The following NSF variants were observed in gnomAD, a reference collection of about 807,000 sequenced individuals.
NSF encodes N-ethylmaleimide sensitive factor, vesicle fusing ATPase.
Under a neutral mutation model 50.3 loss-of-function variants are expected in NSF, and 14 were observed. The observed-to-expected ratio is 0.28, with a 90% CI of 0.18 to 0.44. The LOEUF (loss-of-function observed/expected upper bound fraction) is 0.44. Among genes scored for constraint, NSF ranks in the 20% least tolerant of loss-of-function variants. NSF has a pLI of 1.00. For synonymous variants in NSF, 109 were observed against 175.7 expected (o/e 0.62, Z 3.00); for missense variants, 218 against 504.3 (o/e 0.43, Z 5.44).
At chr17:46,742,908 T>A (rs946900754) in intron 17 of NSF, among the ~76,000 whole-genome samples, 5 of 151,926 alleles carry the variant, frequency 3.3e-5, no homozygotes, top group Non-Finnish European at 7.4e-5. Context: ...ATATGAAAAA[T>A]TATTCCTATT....
chr17:46,723,262 C>T (rs1321650738), intron 15 of NSF, among the ~76,000 whole-genome samples: 1 of 152,236 alleles, frequency 6.6e-6, no homozygotes, highest in Non-Finnish European at 1.5e-5. Flanking sequence ...CATGATCTCA[C>T]AGCCTGATGG....
At chr17:46,710,789 A>G (rs926091731) in intron 13 of NSF, among the ~76,000 whole-genome samples, 174 bp from the exon 14 acceptor site, 1 of 151,556 alleles carries the variant, frequency 6.6e-6, no homozygotes. Context: ...TTTTTTTCCT[A>G]TTGGGAAAAA....
chr17:46,679,853 C>T (rs551152092), intron 9 of NSF, among the ~76,000 whole-genome samples: 8 of 151,350 alleles, frequency 5.3e-5, no homozygotes, highest in Non-Finnish European at 1.2e-4. Context: ...AATAACAAGA[C>T]TCAAAGACAA....
chr17:46,679,245 C>T (rs1280210579), intron 9 of NSF, among the ~76,000 whole-genome samples: 2 of 149,174 alleles, frequency 1.3e-5, no homozygotes, highest in Non-Finnish European at 3.0e-5. Flanking sequence ...CTTATGATTA[C>T]GTAGGCGTTC....
chr17:46,605,600 G>T (rs1287012534), intron 1 of NSF, among the ~76,000 whole-genome samples: 1 of 66,466 alleles, frequency 1.5e-5, no homozygotes, highest in Non-Finnish European at 2.8e-5. Context: ...ACCAAGAATT[G>T]TATATCTTGT....
rs2059036591 is a variant in NSF, at chr17:46,738,862, G to A, written c.1908+9928G>A. On this transcript the variant is annotated intron_variant, in intron 17 of 20. Coordinates refer to ENST00000398238, the MANE Select transcript of NSF (RefSeq NM_006178.4). Reference sequence around the variant, plus strand: ...TACGCCTATAATCCCAGCACTTTGGGAGGCCAAGGCAGGAGGATCACTTGA... The same window carrying A: ...TACGCCTATAATCCCAGCACTTTGGAAGGCCAAGGCAGGAGGATCACTTGA... Among the ~76,000 whole-genome samples the A allele has an allele frequency of 2.0e-5, 3 of 152,278 alleles. No individual in the cohort carries two copies. In the South Asian group the frequency reaches 6.2e-4, roughly 31 times the overall value.
At chr17:46,734,197 AAG>A (rs1303742505) in intron 17 of NSF, among the ~76,000 whole-genome samples, 7 of 152,202 alleles carry the variant, frequency 4.6e-5, no homozygotes, top group Admixed American at 6.5e-5. Flanking sequence ...CAGATAATGG[AAG>A]AGACTCCAAA....
intron 15 of NSF, among the ~76,000 whole-genome samples, chr17:46,716,261 C>CTTT (rs56755526): frequency 2.0e-4 from 29 of 143,758 alleles, no homozygotes; most frequent in African/African-American, 7.2e-4. Context: ...CTTGCCCCTC[C>CTTT]TTTTTTTTTT....
rs545055767 is a variant in NSF, at chr17:46,610,041, C to CTCTCTG, written c.13-14200_13-14199insCTGTCT. On this transcript the variant is annotated intron_variant, in intron 1 of 20. Coordinates refer to ENST00000398238, the MANE Select transcript of NSF (RefSeq NM_006178.4). ...TCTTTCTTTCTTTCTCTCTCTCTCT[C>CTCTCTG]TCTTTCTTTCTTTCTTTCTTTCTTT... Among the ~76,000 whole-genome samples, 81 of 118,730 alleles carry CTCTCTG rather than the reference C, an allele frequency of 6.8e-4. 4 individuals are homozygous for CTCTCTG. The East Asian group carries it at 0.014, about 20-fold the overall frequency. 77.9% of individuals were successfully genotyped at this position (118,730 alleles called of 152,430 possible).
intron 15 of NSF, among the ~76,000 whole-genome samples, chr17:46,720,965 G>A (rs1159505850): frequency 6.6e-6 from 1 of 152,168 alleles, no homozygotes; most frequent in Non-Finnish European, 1.5e-5. Flanking sequence ...AGACTCTGGA[G>A]CCCGTAGCTG....
chr17:46,726,715 C>T, intron 16 of NSF, 100 bp downstream of exon 16: 1 of 1,011,384 alleles, frequency 9.9e-7, no homozygotes, highest in Non-Finnish European at 1.6e-6. Flanking sequence ...AACTGTAAAG[C>T]AATAGAAATA....
intron 13 of NSF, among the ~76,000 whole-genome samples, chr17:46,709,675 A>C (rs1408285544): frequency 4.0e-5 from 6 of 151,876 alleles, no homozygotes; most frequent in African/African-American, 1.5e-4. Flanking sequence ...TTGTATTTTT[A>C]GTATAGATGG....
chr17:46,671,815 G>A (rs1301529952), intron 8 of NSF, among the ~76,000 whole-genome samples: 6 of 136,994 alleles, frequency 4.4e-5, no homozygotes, highest in Non-Finnish European at 6.6e-5. Flanking sequence ...GTGTACAGAA[G>A]CATAGTTGCA....
chr17:46,609,115 G>C (rs2057980151), intron 1 of NSF, among the ~76,000 whole-genome samples: 1 of 147,770 alleles, frequency 6.8e-6, no homozygotes, highest in Non-Finnish European at 1.5e-5. Context: ...GGGTATCTGT[G>C]GTTGAGTAGA....
At chr17:46,738,510 C>G (rs1376239199) in intron 17 of NSF, among the ~76,000 whole-genome samples, 1 of 152,166 alleles carries the variant, frequency 6.6e-6, no homozygotes, top group Non-Finnish European at 1.5e-5. Flanking sequence ...TAAGGACCAT[C>G]ATAACAAACC....
intron 15 of NSF, chr17:46,721,842 G>A: frequency 4.4e-6 from 7 of 1,587,980 alleles, no homozygotes; most frequent in Non-Finnish European, 6.1e-6. Context: ...TTTTTTGTAC[G>A]GCTTTTTCGA....
At chr17:46,734,820 G>A (rs1288705801) in intron 17 of NSF, among the ~76,000 whole-genome samples, 3 of 152,146 alleles carry the variant, frequency 2.0e-5, no homozygotes, top group Non-Finnish European at 4.4e-5. Context: ...ACTTTGAGAG[G>A]CCAAGGCAGG....
intron 14 of NSF, 98 bp from the exon 15 acceptor site, chr17:46,713,755 C>A: frequency 8.9e-7 from 1 of 1,121,486 alleles, no homozygotes; most frequent in South Asian, 1.5e-5. Context: ...AGCAACTAGT[C>A]GAGACCTCAG....
intron 15 of NSF, among the ~76,000 whole-genome samples, chr17:46,715,299 T>G (rs2058757298): frequency 6.6e-6 from 1 of 152,250 alleles, no homozygotes; most frequent in East Asian, 1.9e-4. Flanking sequence ...ATAGAATAAC[T>G]GGGACCAGTG....
Sources: gnomAD v4.1 joint callset for allele counts (sites outside exome capture counted in the v4.1 genomes callset) on GRCh38, gnomAD v4.1.1 for gene constraint, MANE v1.5 for transcripts, NCBI Gene and HGNC (gene_info 2026-07-23, HGNC 2026-07-21) for gene names.